RPS6KC1: variants seen among roughly 807,000 people sequenced by gnomAD.
RPS6KC1 encodes the protein ribosomal protein S6 kinase C1, also known as inactive ribosomal protein S6 kinase delta-1.
A neutral mutation model predicts 103.8 loss-of-function variants in RPS6KC1; 54 were observed. That is an observed-to-expected ratio of 0.52 (90% confidence interval 0.42 to 0.65). The LOEUF is 0.65. Among genes scored for constraint, RPS6KC1 ranks in the 30% least tolerant of loss-of-function variants. The pLI is 0.00. For synonymous variants in RPS6KC1, 439 were observed against 438.7 expected, an observed-to-expected ratio of 1.00 and a Z score of -0.01; for missense variants, 1,151 against 1,253.8, an observed-to-expected ratio of 0.92 and a Z score of 1.24.
At chr1:213,235,469 G>C (rs922895809) in intron 10 of RPS6KC1, among the ~76,000 whole-genome samples, 1 of 152,136 alleles carries the variant, frequency 6.6e-6, no homozygotes, top group Non-Finnish European at 1.5e-5. Context: ...AGGGGTGAGA[G>C]GGGTGGTTTG....
At chr1:213,515,880 T>A in the RPS6KC1 span, among the ~76,000 whole-genome samples, 2 of 152,288 alleles carry the variant, frequency 1.3e-5, no homozygotes, top group East Asian at 3.9e-4. Context: ...TGTTCTTCCA[T>A]TTGTTTGTAT....
the RPS6KC1 span, among the ~76,000 whole-genome samples, chr1:213,545,690 A>G: frequency 6.6e-6 from 1 of 151,992 alleles, no homozygotes; most frequent in Non-Finnish European, 1.5e-5. Flanking sequence ...GGACTTCAAC[A>G]CACTGGGGGG....
chr1:213,203,400 T>A (rs1480592895), intron 8 of RPS6KC1, among the ~76,000 whole-genome samples: 2 of 152,278 alleles, frequency 1.3e-5, no homozygotes, highest in East Asian at 3.9e-4. Flanking sequence ...CATCTGCCAT[T>A]TGCTGATGAA....
At chr1:213,142,441 TAG>T (rs2087177391) in intron 6 of RPS6KC1, among the ~76,000 whole-genome samples, 2 of 152,222 alleles carry the variant, frequency 1.3e-5, no homozygotes, top group Non-Finnish European at 2.9e-5. Flanking sequence ...CTCTGGCTCC[TAG>T]AGTTGCCAGA....
At chr1:213,806,955 G>T in the RPS6KC1 span, among the ~76,000 whole-genome samples, 1 of 146,620 alleles carries the variant, frequency 6.8e-6, no homozygotes, top group Non-Finnish European at 1.5e-5. Context: ...TCCTTCAGGA[G>T]CTCTTTTAGG....
intron 6 of RPS6KC1, among the ~76,000 whole-genome samples, chr1:213,167,072 C>T (rs1310492425): frequency 6.6e-6 from 1 of 152,166 alleles, no homozygotes; most frequent in African/African-American, 2.4e-5. Flanking sequence ...GTGCCAATTC[C>T]TCCCTTCTTC....
the RPS6KC1 span, among the ~76,000 whole-genome samples, chr1:213,817,053 A>G: frequency 6.6e-6 from 1 of 152,226 alleles, no homozygotes; most frequent in East Asian, 1.9e-4. Context: ...ATAGCCTGCT[A>G]AACCCTATCC....
At chr1:213,490,672 A>G in the RPS6KC1 span, among the ~76,000 whole-genome samples, 3 of 152,180 alleles carry the variant, frequency 2.0e-5, no homozygotes, top group Non-Finnish European at 4.4e-5. Flanking sequence ...CCTGGCTAGG[A>G]TGCGTAGTTC....
chr1:213,222,711 A>G (rs1011573829), intron 8 of RPS6KC1, among the ~76,000 whole-genome samples: 6 of 152,144 alleles, frequency 3.9e-5, no homozygotes, highest in African/African-American at 1.2e-4. Flanking sequence ...TAAGGTGTGG[A>G]ATTAAGAGTA....
At chr1:213,784,802 C>T in the RPS6KC1 span, among the ~76,000 whole-genome samples, 1 of 152,152 alleles carries the variant, frequency 6.6e-6, no homozygotes, top group East Asian at 1.9e-4. Context: ...CCTCACTTAG[C>T]TTTTTCCCAT....
the RPS6KC1 span, among the ~76,000 whole-genome samples, chr1:213,353,256 G>T: frequency 1.3e-5 from 2 of 152,202 alleles, no homozygotes; most frequent in Admixed American, 1.3e-4. Context: ...GCCTCGGTAT[G>T]CTTCTCCAAG....
chr1:213,339,686 C>T, the RPS6KC1 span, among the ~76,000 whole-genome samples: 9 of 152,174 alleles, frequency 5.9e-5, no homozygotes, highest in South Asian at 1.7e-3. Context: ...CAATCGTTAT[C>T]GTGCCTATTT....
chr1:213,574,841 C>T, the RPS6KC1 span, among the ~76,000 whole-genome samples: 1 of 152,116 alleles, frequency 6.6e-6, no homozygotes, highest in East Asian at 1.9e-4. Context: ...GACCCTGATC[C>T]CCATGCTTGG....
the RPS6KC1 span, among the ~76,000 whole-genome samples, chr1:213,655,074 A>G: frequency 6.6e-6 from 1 of 152,252 alleles, no homozygotes; most frequent in East Asian, 1.9e-4. Context: ...AAAAAGTCTC[A>G]TTCTGTCACC....
Position 213,127,444 on chromosome 1 carries a change from T to C in RPS6KC1, c.473-2083T>C, listed in dbSNP as rs945327130. Among the ~76,000 whole-genome samples, 4 of 152,322 alleles carry C rather than the reference T, an allele frequency of 2.6e-5. No individual in the cohort carries two copies. The East Asian group carries it at 7.7e-4, about 29-fold the overall frequency. On this transcript the variant is annotated intron_variant, in intron 5 of 14. Coordinates refer to ENST00000366960, the MANE Select transcript of RPS6KC1 (RefSeq NM_012424.6). ...ATGCTGTGTGAAAAAATGAGAATTA[T>C]ACATAAAGCACTCTGCATACTGAAC...
At chr1:213,481,925 G>T in the RPS6KC1 span, among the ~76,000 whole-genome samples, 1 of 152,174 alleles carries the variant, frequency 6.6e-6, no homozygotes, top group Non-Finnish European at 1.5e-5. Flanking sequence ...CACCATCCTT[G>T]TGGTGCTGTC....
At chr1:213,207,667 A>G (rs1200835491) in intron 8 of RPS6KC1, among the ~76,000 whole-genome samples, 2 of 151,124 alleles carry the variant, frequency 1.3e-5, no homozygotes, top group African/African-American at 4.9e-5. Flanking sequence ...AAATTTATAT[A>G]CCTTTTTTTT....
intron 8 of RPS6KC1, among the ~76,000 whole-genome samples, chr1:213,225,121 T>C (rs917477334): frequency 6.6e-6 from 1 of 152,220 alleles, no homozygotes; most frequent in Non-Finnish European, 1.5e-5. Flanking sequence ...ATGGAAAGCA[T>C]TCACCAGCCT....
intron 8 of RPS6KC1, among the ~76,000 whole-genome samples, chr1:213,181,710 C>T (rs959361002): frequency 6.6e-6 from 1 of 152,136 alleles, no homozygotes; most frequent in African/African-American, 2.4e-5. Context: ...AAGGAAAGAA[C>T]TATCAACCAG....
Sources: gnomAD v4.1 joint callset for allele counts (sites outside exome capture counted in the v4.1 genomes callset) on GRCh38, gnomAD v4.1.1 for gene constraint, MANE v1.5 for transcripts, NCBI Gene and HGNC (gene_info 2026-07-23, HGNC 2026-07-21) for gene names.